Variants in GPR139 observed in about 807,000 individuals in gnomAD.
GPR139 encodes probable G protein-coupled receptor 139.
GPR139 carries 12 observed loss-of-function variants against 25.8 expected under a neutral mutation model. That is an observed-to-expected ratio of 0.47 (90% CI 0.30 to 0.75). The LOEUF is 0.75. Ranked by LOEUF, GPR139 falls within the 30% of genes least tolerant of loss-of-function variation. The pLI, the probability that GPR139 is intolerant of heterozygous loss-of-function variation, is 0.07. For missense variants in GPR139, 380 were observed against 450.2 expected, an observed-to-expected ratio of 0.84 and a Z score of 1.41; for synonymous variants, 184 against 179.9, an observed-to-expected ratio of 1.02 and a Z score of -0.18.
chr16:20,047,883 C>A (rs754534127), intron 1 of GPR139, among the ~76,000 whole-genome samples: 29 of 152,096 alleles, frequency 1.9e-4, no homozygotes, highest in Non-Finnish European at 4.0e-4. Flanking sequence ...TGATATAGCA[C>A]CTATCACAGG....
Position 20,030,932 on chromosome 16 carries a change from G to A in GPR139, c.*803C>T, listed in dbSNP as rs1376330581. Among the ~76,000 whole-genome samples, 1 of 152,202 alleles carries A rather than the reference G, an allele frequency of 6.6e-6. No individual in the cohort carries two copies. The highest frequency in any genetic ancestry group is 1.5e-5 in the Non-Finnish European group (1 of 68,042). The stretch of plus-strand genomic sequence containing the variant: ...GATCGTATGCAGCTGACACAGGGAT[G>A]GGTTGAAACAATGGCAAGTGTGGGC... On this transcript the variant is annotated 3_prime_UTR_variant, in exon 2 of 2. Coordinates refer to ENST00000570682, the MANE Select transcript of GPR139 (RefSeq NM_001002911.4).
intron 1 of GPR139, among the ~76,000 whole-genome samples, chr16:20,048,594 G>A (rs987931502): frequency 1.1e-4 from 16 of 152,196 alleles, no homozygotes; most frequent in Non-Finnish European, 1.9e-4. Flanking sequence ...GCAGGATATC[G>A]CATGCCCCAT....
intron 1 of GPR139, among the ~76,000 whole-genome samples, chr16:20,042,746 T>C (rs1444642764): frequency 2.0e-5 from 3 of 152,214 alleles, no homozygotes; most frequent in African/African-American, 7.2e-5. Context: ...CTTTTTCTTT[T>C]TTTAAACTAC....
chr16:20,035,599 G>A (rs934839435), intron 1 of GPR139, among the ~76,000 whole-genome samples: 8 of 152,160 alleles, frequency 5.3e-5, no homozygotes, highest in South Asian at 2.1e-4. Flanking sequence ...GAAGAGCCAC[G>A]GAAGAAAATG....
At chr16:20,065,060 T>C (rs1290954492) in intron 1 of GPR139, among the ~76,000 whole-genome samples, 2 of 152,192 alleles carry the variant, frequency 1.3e-5, no homozygotes, top group Non-Finnish European at 2.9e-5. Context: ...TCTTCTTTTT[T>C]TTTCTCCACT....
intron 1 of GPR139, among the ~76,000 whole-genome samples, chr16:20,041,109 CAGAAA>C (rs1294636081): frequency 9.7e-6 from 1 of 103,272 alleles, no homozygotes; most frequent in Non-Finnish European, 1.7e-5. Flanking sequence ...GACTCTGACC[CAGAAA>C]GGAAAGGAAA....
intron 1 of GPR139, among the ~76,000 whole-genome samples, chr16:20,061,931 C>A (rs1465965921): frequency 1.3e-5 from 2 of 152,148 alleles, no homozygotes; most frequent in Non-Finnish European, 2.9e-5. Context: ...ATGTATGCAT[C>A]CCCGGGGAAT....
At chr16:20,044,864 G>T (rs1244149213) in intron 1 of GPR139, among the ~76,000 whole-genome samples, 1 of 152,064 alleles carries the variant, frequency 6.6e-6, no homozygotes, top group Non-Finnish European at 1.5e-5. Context: ...TGTATGCAAT[G>T]GTATCAAATG....
chr16:20,034,827 T>C (rs2057304400), intron 1 of GPR139, among the ~76,000 whole-genome samples: 2 of 152,228 alleles, frequency 1.3e-5, no homozygotes, highest in African/African-American at 4.8e-5. Context: ...AATGACTACA[T>C]AGCATTTTGC....
At chr16:20,037,382 G>A (rs1447046080) in intron 1 of GPR139, among the ~76,000 whole-genome samples, 2 of 151,058 alleles carry the variant, frequency 1.3e-5, no homozygotes, top group African/African-American at 2.4e-5. Flanking sequence ...AACTCGGGAG[G>A]TGGAAGTTAC....
At chr16:20,068,696 A>T (rs980208702) in intron 1 of GPR139, among the ~76,000 whole-genome samples, 4 of 152,208 alleles carry the variant, frequency 2.6e-5, no homozygotes, top group African/African-American at 9.6e-5. Flanking sequence ...TCTAGATCTT[A>T]GGGAAAAAGC....
chr16:20,041,695 A>G (rs1356137462), intron 1 of GPR139, among the ~76,000 whole-genome samples: 1 of 152,204 alleles, frequency 6.6e-6, no homozygotes, highest in Non-Finnish European at 1.5e-5. Flanking sequence ...AAAGTTCCCC[A>G]GGGCTGCTGT....
At chr16:20,043,572 A>T (rs936465453) in intron 1 of GPR139, among the ~76,000 whole-genome samples, 4 of 152,222 alleles carry the variant, frequency 2.6e-5, no homozygotes, top group Admixed American at 2.6e-4. Flanking sequence ...TTTATTTTAA[A>T]AGTGAGTTGA....
At chr16:20,048,383 C>T (rs897845421) in intron 1 of GPR139, among the ~76,000 whole-genome samples, 9 of 152,170 alleles carry the variant, frequency 5.9e-5, no homozygotes, top group Non-Finnish European at 1.2e-4. Flanking sequence ...CTGGGTCAGG[C>T]TCCCAGAGTA....
At chr16:20,042,949 T>C (rs568792652) in intron 1 of GPR139, among the ~76,000 whole-genome samples, 4 of 152,322 alleles carry the variant, frequency 2.6e-5, no homozygotes, top group African/African-American at 9.6e-5. Flanking sequence ...TCTGCCAAGA[T>C]GGAACACATG....
At chr16:20,054,046 G>A (rs2057381087) in intron 1 of GPR139, among the ~76,000 whole-genome samples, 1 of 152,114 alleles carries the variant, frequency 6.6e-6, no homozygotes. Context: ...GACTCTGGGG[G>A]CTTTGGGAGG....
chr16:20,067,449 G>A (rs1190257121), intron 1 of GPR139, among the ~76,000 whole-genome samples: 2 of 152,144 alleles, frequency 1.3e-5, no homozygotes, highest in African/African-American at 4.8e-5. Flanking sequence ...GGTCAAATGT[G>A]CCTAAGGACG....
intron 1 of GPR139, among the ~76,000 whole-genome samples, chr16:20,062,902 C>G (rs1011968897): frequency 7.2e-5 from 11 of 152,118 alleles, no homozygotes. Context: ...GTATTTCATG[C>G]TTCCAGCACA....
chr16:20,072,203 G>T (rs2057461985), intron 1 of GPR139, among the ~76,000 whole-genome samples: 1 of 152,168 alleles, frequency 6.6e-6, no homozygotes, highest in Non-Finnish European at 1.5e-5. Context: ...AGGAATAAAA[G>T]CCTCATCACT....
Sources: gnomAD v4.1 joint callset for allele counts (sites outside exome capture counted in the v4.1 genomes callset) on GRCh38, gnomAD v4.1.1 for gene constraint, MANE v1.5 for transcripts, NCBI Gene and HGNC (gene_info 2026-07-23, HGNC 2026-07-21) for gene names.